Variants in INTS10 observed in about 807,000 individuals in gnomAD.
INTS10 encodes chromosome 8 open reading frame 35.
Under a neutral mutation model 94.4 loss-of-function variants are expected in INTS10, and 44 were observed. The ratio of observed to expected loss-of-function variants is 0.47; its 90% confidence interval spans 0.37 to 0.60. The LOEUF is 0.60. Among genes scored for constraint, INTS10 ranks in the 20% least tolerant of loss-of-function variants. The pLI, the probability that INTS10 is intolerant of heterozygous loss-of-function variation, is 0.00. For missense variants in INTS10, 797 were observed against 868.7 expected (o/e 0.92, Z 1.04); for synonymous variants, 341 against 320.7 (o/e 1.06, Z -0.68).
chr8:19,826,706 C>A (rs2066823206), intron 9 of INTS10, 147 bp downstream of exon 9: 1 of 763,690 alleles, frequency 1.3e-6, no homozygotes, highest in Non-Finnish European at 2.0e-6. Context: ...GTCAGTGGTT[C>A]TCCACTGGAG....
rs557296563 is a variant in INTS10 at position 19,818,322 on chromosome 8, C to T, written c.177C>T (p.Ala59=). The T allele has an allele frequency of 5.0e-6, 8 of 1,614,148 alleles. No individual in the cohort carries two copies. In the South Asian group the frequency reaches 5.5e-5, roughly 11 times the overall value. The change falls in exon 2 of 17, where the codon GCC becomes GCT. Residue 59 remains alanine (A), a synonymous_variant. Coordinates refer to ENST00000397977, the MANE Select transcript of INTS10 (RefSeq NM_018142.4). ...GGAATGCAGAGCGGACCGCCACCGC[C>T]GGGAGGCTGCTGTACGACATGTGAG... ...IERNAERTAT[A]GRLLYDMFVN... is the part of the protein sequence containing the mutation.
In INTS10 at chr8:19,851,701, C is replaced by T; in HGVS notation, c.2029C>T (p.Leu677=). ...CAAAGGCGTGAAGGAGGACTTTCGC[C>T]TGGCCATGGAGCGCCAGGTCTCCCG... ...ITKGVKEDFR[L]AMERQVSRCG... The change falls in exon 17 of 17, where the codon CTG becomes TTG. Residue 677 remains leucine, a synonymous_variant. Coordinates refer to ENST00000397977, the MANE Select transcript of INTS10 (RefSeq NM_018142.4). This position sits in a 1 kb window ranked among gnomAD's most constrained non-coding sequence, Gnocchi z 5.0. 6.2e-7 allele frequency: 1 copy of T among 1,614,206 alleles called. No homozygotes were observed. Among genetic ancestry groups the T allele is most frequent in the Non-Finnish European group, 8.5e-7 (1 of 1,180,028 alleles).
chr8:19,818,044 G>A, intron 1 of INTS10: 1 of 598,428 alleles, frequency 1.7e-6, no homozygotes, highest in South Asian at 2.0e-5. Flanking sequence ...CAGGGCCTGC[G>A]ACTTTGGAAA....
At chr8:19,820,085 C>A (rs572971231) in intron 3 of INTS10, among the ~76,000 whole-genome samples, 1 of 152,356 alleles carries the variant, frequency 6.6e-6, no homozygotes, top group Admixed American at 6.5e-5. Flanking sequence ...ATTTGAACTT[C>A]AACAAGCACA....
At chr8:19,829,199 T>C (rs2067041877) in intron 9 of INTS10, among the ~76,000 whole-genome samples, 1 of 152,246 alleles carries the variant, frequency 6.6e-6, no homozygotes, top group Non-Finnish European at 1.5e-5. Flanking sequence ...GTTTGTTACA[T>C]ATGTATACAT....
chr8:19,823,683 C>G (rs944250471), intron 6 of INTS10, among the ~76,000 whole-genome samples, 190 bp from the exon 7 acceptor site: 1 of 152,080 alleles, frequency 6.6e-6, no homozygotes, highest in African/African-American at 2.4e-5. Flanking sequence ...TACAAATGTA[C>G]CATGATGAAG....
intron 13 of INTS10, among the ~76,000 whole-genome samples, chr8:19,837,772 A>G (rs2067777035): frequency 6.6e-6 from 1 of 152,248 alleles, no homozygotes; most frequent in South Asian, 2.1e-4. Flanking sequence ...AGCAGAAGTC[A>G]ATGAAATAGA....
Position 19,824,015 on chromosome 8 carries a change from A to G in INTS10, c.807A>G (p.Arg269=). The change falls in exon 7 of 17, where the codon AGA becomes AGG. Residue 269 remains arginine, a synonymous_variant. Transcript: ENST00000397977. ...LFKILNVVGM[R]CEWQMDKGRR... ...AGATTTTGAATGTTGTTGGAATGAG[A>G]TGTGAATGGCAGATGGATAAAGGAA... 1 of 1,611,806 alleles carries G rather than the reference A, an allele frequency of 6.2e-7. No homozygotes were observed. Among genetic ancestry groups the G allele is most frequent in the Non-Finnish European group, 8.5e-7 (1 of 1,179,288 alleles).
At chr8:19,822,187 G>T in intron 4 of INTS10, 5 of 267,806 alleles carry the variant, frequency 1.9e-5, no homozygotes, top group East Asian at 6.7e-5. Context: ...CTTGTTCATC[G>T]TTAATTAGAA....
rs190508523 is a variant in INTS10 at position 19,826,648 on chromosome 8, C to T, written c.1140+89C>T. The T allele has an allele frequency of 1.0e-3, 1,244 of 1,211,100 alleles. 4 individuals are homozygous for T. The Middle Eastern group carries it at 0.012, about 12-fold the overall frequency. The allele number at this position is 1,211,100 out of a possible 1,614,324, so 75.0% of individuals were successfully genotyped here. On this transcript the variant is annotated intron_variant, in intron 9 of 16. Coordinates refer to ENST00000397977, the MANE Select transcript of INTS10 (RefSeq NM_018142.4). Reference sequence around the variant, plus strand: ...GTAAAATATGGCTTTGGAGCTAAATCGATAAAGCCTGGGTTTTAAAATTGT... The same window carrying T: ...GTAAAATATGGCTTTGGAGCTAAATTGATAAAGCCTGGGTTTTAAAATTGT...
chr8:19,831,677 A>C (rs1460466391), intron 10 of INTS10, among the ~76,000 whole-genome samples: 1 of 152,176 alleles, frequency 6.6e-6, no homozygotes, highest in Non-Finnish European at 1.5e-5. Context: ...GGTGACAGGG[A>C]GAATGTCTCT....
At chr8:19,844,020 C>A in intron 14 of INTS10, 56 bp from the exon 15 acceptor site, 2 of 1,406,928 alleles carry the variant, frequency 1.4e-6, no homozygotes, top group Non-Finnish European at 1.9e-6. Flanking sequence ...TGCTGTATTT[C>A]AGATTACCCT....
At chr8:19,818,491 G>A in intron 2 of INTS10, 149 bp downstream of exon 2, 1 of 672,578 alleles carries the variant, frequency 1.5e-6, no homozygotes, top group Non-Finnish European at 2.6e-6. Flanking sequence ...GTCCAGGCCT[G>A]CCATAAATTG....
intron 9 of INTS10, among the ~76,000 whole-genome samples, chr8:19,828,722 G>T (rs11777881): frequency 0.068 from 9,728 of 143,172 alleles, 360 homozygotes; most frequent in Admixed American, 0.08. Flanking sequence ...TACGGTTGTG[G>T]TTTTTTTTTT....
intron 9 of INTS10, 25 bp from the exon 10 acceptor site, chr8:19,830,381 C>A: frequency 6.3e-7 from 1 of 1,596,186 alleles, no homozygotes; most frequent in Non-Finnish European, 8.5e-7. Context: ...CTGAATTAAC[C>A]ATGTTCTCCA....
chr8:19,838,037 A>T (rs988587897), intron 13 of INTS10, among the ~76,000 whole-genome samples: 3 of 152,194 alleles, frequency 2.0e-5, no homozygotes, highest in African/African-American at 7.2e-5. Flanking sequence ...AATTTACCAA[A>T]ATTGACACAA....
Position 19,849,288 on chromosome 8 carries a change from G to C in INTS10, c.1977-2361G>C, listed in dbSNP as rs1274791822. The C allele has an allele frequency of 6.3e-6, 6 of 958,656 alleles. No individual in the cohort carries two copies. In the African/African-American group the frequency reaches 1.0e-4, roughly 16 times the overall value. The allele number at this position is 958,656 out of a possible 1,614,324, so 59.4% of individuals were successfully genotyped here. On this transcript the variant is annotated intron_variant, in intron 16 of 16. Transcript: ENST00000397977. This position sits in a 1 kb window ranked among gnomAD's most constrained non-coding sequence, Gnocchi z 4.6. ...CTCATAGTGTGCTGTTTGTCAACATGTTCGCTGCCCATGGTTCTCAGCTCT... is the reference window on the plus strand; with the variant it reads ...CTCATAGTGTGCTGTTTGTCAACATCTTCGCTGCCCATGGTTCTCAGCTCT...
intron 15 of INTS10, 91 bp from the exon 16 acceptor site, chr8:19,845,605 TGGCAATGG>T: frequency 1.3e-6 from 1 of 783,356 alleles, no homozygotes; most frequent in South Asian, 1.5e-5. Flanking sequence ...TTTAGTGGGA[TGGCAATGG>T]GCAAGTTACT....
In INTS10 at chr8:19,851,677, A is replaced by C. The variant is rs1312906843; in HGVS notation, c.2005A>C (p.Lys669Gln). 1 of 1,614,196 alleles carries C rather than the reference A, an allele frequency of 6.2e-7. No homozygotes were observed. Among genetic ancestry groups the C allele is most frequent in the South Asian group, 1.1e-5 (1 of 91,084 alleles). The change falls in exon 17 of 17, where the codon AAA (lysine) becomes CAA (glutamine). Residue 669 changes from lysine to glutamine, a missense_variant. By Grantham distance (53) the Lys-to-Gln change is moderately conservative (BLOSUM62 1). Around this residue, in one of 3 missense-constraint regions of INTS10, gnomAD observed 16 missense variants for 39.1 expected, o/e 0.41. Transcript: ENST00000397977. The surrounding 1 kb of genome is among the most constrained non-coding windows in gnomAD (Gnocchi z 5.0). ...KHHTVTRGIT[K>Q]GVKEDFRLAM... The stretch of plus-strand genomic sequence containing the variant: ...CCACACTGTAACTCGAGGCATCACC[A>C]AAGGCGTGAAGGAGGACTTTCGCCT...
Sources: gnomAD v4.1 joint callset for allele counts (sites outside exome capture counted in the v4.1 genomes callset) on GRCh38, gnomAD v4.1.1 for gene constraint, gnomAD v4.1.1 regional missense constraint, Gnocchi (gnomAD v3.1) non-coding constraint, MANE v1.5 for transcripts, NCBI Gene and HGNC (gene_info 2026-07-23, HGNC 2026-07-21) for gene names.